The following LRRC38 variants were observed in gnomAD, a reference collection of about 807,000 sequenced individuals.
LRRC38 encodes leucine rich repeat containing 38, also known as leucine-rich repeat-containing protein 38.
LRRC38 carries 5 observed loss-of-function variants against 16.4 expected under a neutral mutation model. The ratio of observed to expected loss-of-function variants is 0.31; its 90% CI spans 0.16 to 0.64. LRRC38 has a LOEUF of 0.64. Among genes scored for constraint, LRRC38 ranks in the 30% least tolerant of loss-of-function variants. The pLI is 0.80. For missense variants in LRRC38, 341 were observed against 401.8 expected (o/e 0.85, Z 1.29); for synonymous variants, 191 against 190.2 (o/e 1.00, Z -0.04).
intron 1 of LRRC38, among the ~76,000 whole-genome samples, chr1:13,499,427 A>C (rs1401742248): frequency 1.3e-5 from 2 of 152,230 alleles, no homozygotes; most frequent in Non-Finnish European, 2.9e-5. Flanking sequence ...ACAAGGTCAC[A>C]TTCTGAAGTA....
In LRRC38 at chr1:13,513,305, C is replaced by A. The variant is rs765264170; in HGVS notation, c.289G>T (p.Glu97Ter). The A allele has an allele frequency of 6.4e-7, 1 of 1,550,758 alleles. No individual in the cohort carries two copies. Reference protein sequence around the residue: ...FRNNSLRSLEEGTFSGSAKLV... With the variant: ...FRNNSLRSLE ...TTGGCCGAGCCGCTGAACGTGCCCTCCTCCAGCGAGCGCAGCGAGTTGTTC... is the reference window on the plus strand; with the variant it reads ...TTGGCCGAGCCGCTGAACGTGCCCTACTCCAGCGAGCGCAGCGAGTTGTTC... Residue 97 changes from glutamate (E) to a stop codon, truncating the protein, a stop_gained, in exon 1 of 2, where the codon GAG (glutamate) becomes TAG (stop). Transcript: ENST00000376085. LOFTEE classifies it high-confidence loss of function.
chr1:13,507,893 T>C (rs1194577805), intron 1 of LRRC38, among the ~76,000 whole-genome samples: 1 of 151,714 alleles, frequency 6.6e-6, no homozygotes, highest in Non-Finnish European at 1.5e-5. Context: ...TCTCTGCTAA[T>C]GGTGCCAGGC....
At chr1:13,498,953 T>A (rs1179280545) in intron 1 of LRRC38, among the ~76,000 whole-genome samples, 1 of 152,126 alleles carries the variant, frequency 6.6e-6, no homozygotes, top group African/African-American at 2.4e-5. Flanking sequence ...TTTCCTTAGT[T>A]TGTAGGTACA....
chr1:13,485,285 A>AAAAAAAAAAAAAAAAAAAC (rs1553134928), intron 1 of LRRC38, among the ~76,000 whole-genome samples: 1 of 149,222 alleles, frequency 6.7e-6, no homozygotes, highest in Admixed American at 6.7e-5. Flanking sequence ...CTTAAAAAAA[A>AAAAAAAAAAAAAAAAAAAC]AAAAAAAAAC....
At chr1:13,509,856 G>A (rs992746331) in intron 1 of LRRC38, among the ~76,000 whole-genome samples, 21 of 152,148 alleles carry the variant, frequency 1.4e-4, no homozygotes, top group African/African-American at 4.3e-4. Context: ...GCACCACAGA[G>A]CCAGCGAAAA....
chr1:13,486,064 G>A (rs1019136625), intron 1 of LRRC38, among the ~76,000 whole-genome samples: 22 of 152,004 alleles, frequency 1.4e-4, no homozygotes, highest in Non-Finnish European at 2.1e-4. Flanking sequence ...TCAGCCTCCC[G>A]AATAGCTGGG....
At chr1:13,508,756 C>A (rs569561877) in intron 1 of LRRC38, among the ~76,000 whole-genome samples, 4 of 152,294 alleles carry the variant, frequency 2.6e-5, no homozygotes, top group Admixed American at 2.6e-4. Context: ...ACCAGTGTGA[C>A]CTTCAGGCAA....
chr1:13,500,982 T>C (rs893774674), intron 1 of LRRC38, among the ~76,000 whole-genome samples: 2 of 152,178 alleles, frequency 1.3e-5, no homozygotes, highest in African/African-American at 4.8e-5. Context: ...TGCGTGATTC[T>C]ATGATCGTGA....
intron 1 of LRRC38, among the ~76,000 whole-genome samples, chr1:13,477,029 C>T (rs1303292566): frequency 6.6e-6 from 1 of 151,950 alleles, no homozygotes; most frequent in African/African-American, 2.4e-5. Flanking sequence ...CACTTGAACC[C>T]AGGAGGCAGA....
Position 13,497,962 on chromosome 1 carries a change from C to CAA in LRRC38, c.631+14999_631+15000dup, listed in dbSNP as rs370605050. ...GCAACAAGAGTGAAAAACTCCATCA[C>CAA]AAAAAAAAAAAAAAAAAAAAGAAAC... On this transcript the variant is annotated intron_variant, in intron 1 of 1. Coordinates refer to ENST00000376085, the MANE Select transcript of LRRC38 (RefSeq NM_001010847.2). Among the ~76,000 whole-genome samples the CAA allele has an allele frequency of 9.4e-3, 646 of 68,934 alleles. 9 individuals are homozygous for CAA. The highest frequency in any genetic ancestry group is 0.023 in the African/African-American group (420 of 17,950). 45.2% of individuals were successfully genotyped at this position (68,934 alleles called of 152,430 possible).
chr1:13,481,588 G>T (rs556649086), intron 1 of LRRC38, among the ~76,000 whole-genome samples: 2 of 151,068 alleles, frequency 1.3e-5, no homozygotes, highest in African/African-American at 4.9e-5. Flanking sequence ...GTAGAGACGG[G>T]GTTTCACCGT....
chr1:13,499,092 G>A (rs1032232246), intron 1 of LRRC38, among the ~76,000 whole-genome samples: 10 of 152,012 alleles, frequency 6.6e-5, no homozygotes, highest in African/African-American at 1.7e-4. Context: ...TGATCCCACT[G>A]CATTTTTTTT....
chr1:13,512,926 C>CCCA, intron 1 of LRRC38, 37 bp downstream of exon 1: 3 of 1,295,016 alleles, frequency 2.3e-6, no homozygotes, highest in Non-Finnish European at 3.2e-6. Context: ...TCCCTGCCCC[C>CCCA]CTCCCTCCCT....
At chr1:13,503,231 G>A (rs1340790020) in intron 1 of LRRC38, among the ~76,000 whole-genome samples, 1 of 152,098 alleles carries the variant, frequency 6.6e-6, no homozygotes, top group Non-Finnish European at 1.5e-5. Context: ...TTGGAGTTCA[G>A]CCAGCACTCT....
chr1:13,508,771 C>G (rs372270099), intron 1 of LRRC38, among the ~76,000 whole-genome samples: 1 of 152,134 alleles, frequency 6.6e-6, no homozygotes, highest in Non-Finnish European at 1.5e-5. Flanking sequence ...AGGCAAGCGC[C>G]GGGTTTGTCC....
chr1:13,498,371 C>T (rs1231353424), intron 1 of LRRC38, among the ~76,000 whole-genome samples: 2 of 152,180 alleles, frequency 1.3e-5, no homozygotes, highest in Non-Finnish European at 2.9e-5. Flanking sequence ...GTGGCTCACA[C>T]TTGTAATCTC....
intron 1 of LRRC38, among the ~76,000 whole-genome samples, chr1:13,505,864 G>A (rs567234935): frequency 6.6e-5 from 10 of 152,118 alleles, no homozygotes; most frequent in African/African-American, 1.7e-4. Flanking sequence ...GGCGTGTTCC[G>A]GGGACAGAAC....
rs1394635005 is a variant in LRRC38 at position 13,475,828 on chromosome 1, C to T, written c.*18G>A. 2 of 1,546,586 alleles carry T rather than the reference C, an allele frequency of 1.3e-6. No homozygotes were observed. The highest frequency in any genetic ancestry group is 1.4e-5 in the African/African-American group (1 of 72,968). ...TGGTTCGGTGCTGGAGAGTAAGAGG[C>T]AGGAGGGAGGAGGTGGCTCAGTCAT... On this transcript the variant is annotated 3_prime_UTR_variant, in exon 2 of 2. Coordinates refer to ENST00000376085, the MANE Select transcript of LRRC38 (RefSeq NM_001010847.2). The surrounding 1 kb of genome is among the most constrained non-coding windows in gnomAD (Gnocchi z 4.3).
intron 1 of LRRC38, among the ~76,000 whole-genome samples, chr1:13,510,584 A>G (rs1378245906): frequency 6.7e-6 from 1 of 148,428 alleles, no homozygotes; most frequent in Non-Finnish European, 1.5e-5. Flanking sequence ...CAGGATTTGA[A>G]GGCAAGCAGC....
Sources: allele counts gnomAD v4.1 joint callset (sites outside exome capture counted in the v4.1 genomes callset), GRCh38; gene constraint gnomAD v4.1.1; non-coding constraint Gnocchi (gnomAD v3.1); transcripts MANE v1.5; gene names NCBI Gene and HGNC (gene_info 2026-07-23, HGNC 2026-07-21).